Variants in THSD7B observed in about 807,000 individuals in gnomAD.
THSD7B encodes the protein thrombospondin type-1 domain-containing protein 7B.
THSD7B carries 138 observed loss-of-function variants against 213.6 expected under a neutral mutation model. The observed-to-expected ratio is 0.65, with a 90% CI of 0.56 to 0.74. The LOEUF is 0.74. Ranked by LOEUF, THSD7B falls within the 30% of genes least tolerant of loss-of-function variation. THSD7B has a pLI of 0.00. For synonymous variants in THSD7B, 742 were observed against 687.0 expected, an observed-to-expected ratio of 1.08 and a Z score of -1.25; for missense variants, 1,931 against 1,991.5, an observed-to-expected ratio of 0.97 and a Z score of 0.58.
rs903288457 is a variant in THSD7B, at chr2:137,057,190, G to T, written c.910G>T (p.Val304Phe). 5 of 1,613,780 alleles carry T rather than the reference G, an allele frequency of 3.1e-6. No individual in the cohort carries two copies. Among genetic ancestry groups the T allele is most frequent in the Non-Finnish European group, 4.2e-6 (5 of 1,179,792 alleles). The change falls in exon 3 of 28, where the codon GTT (valine) becomes TTT (phenylalanine). Residue 304 changes from valine to phenylalanine, a missense_variant. By Grantham distance (50) the Val-to-Phe change is conservative (BLOSUM62 -1). Transcript: ENST00000409968. ...AIEIGYQTRQ[V>F]SCTRSDGQNA... The stretch of plus-strand genomic sequence containing the variant: ...AGAGATAGGTTATCAAACCCGGCAG[G>T]TTTCGTGTACAAGAAGTGATGGACA...
intron 14 of THSD7B, among the ~76,000 whole-genome samples, chr2:137,437,313 T>C (rs528548326): frequency 8.4e-4 from 128 of 152,280 alleles, no homozygotes; most frequent in African/African-American, 3.1e-3. Context: ...ACTCCCCCCA[T>C]GCATTACCAT....
chr2:136,868,112 ACG>A (rs754171682), intron 1 of THSD7B, among the ~76,000 whole-genome samples: 6 of 136,964 alleles, frequency 4.4e-5, no homozygotes, highest in African/African-American at 1.8e-4. Flanking sequence ...ACACACACAC[ACG>A]CGCGCGCACA....
intron 11 of THSD7B, among the ~76,000 whole-genome samples, chr2:137,275,402 G>C (rs1682846930): frequency 6.6e-6 from 1 of 152,030 alleles, no homozygotes; most frequent in African/African-American, 2.4e-5. Flanking sequence ...GTGAAGGTCT[G>C]TACCTCAAGC....
chr2:136,944,021 T>G (rs1684880308), intron 2 of THSD7B, among the ~76,000 whole-genome samples: 1 of 152,240 alleles, frequency 6.6e-6, no homozygotes, highest in Non-Finnish European at 1.5e-5. Flanking sequence ...GGGCATCTAG[T>G]GCTATACATT....
Position 137,463,221 on chromosome 2 carries a change from G to T in THSD7B, c.3138+12198G>T, listed in dbSNP as rs563867802. ...AGGACCATGTAGCGTAAGCCAGGGG[G>T]CAACTACAACACAAAGACAGAAATT... On this transcript the variant is annotated intron_variant, in intron 15 of 27. Coordinates refer to ENST00000409968, the MANE Select transcript of THSD7B (RefSeq NM_001316349.2). 7.2e-5 allele frequency among the ~76,000 whole-genome samples: 11 copies of T among 152,244 alleles called. No individual in the cohort carries two copies. The South Asian group carries it at 2.3e-3, about 32-fold the overall frequency.
At chr2:137,512,768 G>T (rs1209019282) in intron 15 of THSD7B, among the ~76,000 whole-genome samples, 1 of 152,000 alleles carries the variant, frequency 6.6e-6, no homozygotes, top group African/African-American at 2.4e-5. Context: ...ACTTATGTAG[G>T]TACAATTATA....
At chr2:137,012,727 G>C (rs1686254211) in intron 2 of THSD7B, among the ~76,000 whole-genome samples, 1 of 152,186 alleles carries the variant, frequency 6.6e-6, no homozygotes, top group African/African-American at 2.4e-5. Flanking sequence ...GGCAGCTCTG[G>C]TTTCCCAGTG....
intron 7 of THSD7B, among the ~76,000 whole-genome samples, chr2:137,221,536 A>G (rs1355389210): frequency 6.6e-6 from 1 of 152,190 alleles, no homozygotes; most frequent in Admixed American, 6.5e-5. Context: ...AAAATAGGCA[A>G]CTTTTTCTAC....
intron 6 of THSD7B, among the ~76,000 whole-genome samples, chr2:137,165,654 G>A (rs1308107305): frequency 1.3e-5 from 2 of 152,014 alleles, no homozygotes; most frequent in African/African-American, 4.8e-5. Flanking sequence ...GGATATAAGC[G>A]GGAGTGTTTA....
intron 15 of THSD7B, among the ~76,000 whole-genome samples, chr2:137,467,225 G>A (rs1037018933): frequency 3.3e-5 from 5 of 152,136 alleles, no homozygotes; most frequent in Non-Finnish European, 7.4e-5. Context: ...TGGGATACAT[G>A]TTCAGAACTG....
At chr2:136,937,538 T>C (rs1482350416) in intron 2 of THSD7B, among the ~76,000 whole-genome samples, 4 of 152,196 alleles carry the variant, frequency 2.6e-5, no homozygotes, top group African/African-American at 7.2e-5. Context: ...CACGCATTGA[T>C]ATTATTCTTC....
chr2:137,037,878 C>A (rs936866752), intron 2 of THSD7B, among the ~76,000 whole-genome samples: 1 of 151,942 alleles, frequency 6.6e-6, no homozygotes. Context: ...TGTTTTAAGT[C>A]ACAGATGATG....
chr2:137,525,197 A>T (rs1228628570), intron 15 of THSD7B, among the ~76,000 whole-genome samples: 2 of 152,200 alleles, frequency 1.3e-5, no homozygotes, highest in East Asian at 1.9e-4. Context: ...CTCAAAACAG[A>T]TGGTGTCTGA....
At chr2:136,776,464 A>G (rs1025405947) in intron 1 of THSD7B, among the ~76,000 whole-genome samples, 3 of 152,178 alleles carry the variant, frequency 2.0e-5, no homozygotes, top group Non-Finnish European at 4.4e-5. Flanking sequence ...CTAGAACTTG[A>G]TAACATTCTT....
intron 12 of THSD7B, among the ~76,000 whole-genome samples, chr2:137,360,767 C>A (rs759704085): frequency 2.0e-5 from 3 of 152,190 alleles, no homozygotes; most frequent in African/African-American, 2.4e-5. Context: ...GTACACCCCA[C>A]CTCTGGGGGC....
intron 15 of THSD7B, among the ~76,000 whole-genome samples, chr2:137,551,714 T>C (rs1342875564): frequency 1.3e-5 from 2 of 152,212 alleles, no homozygotes; most frequent in Non-Finnish European, 2.9e-5. Flanking sequence ...GAACACATAA[T>C]GCATATTAAA....
chr2:137,459,647 A>G (rs1199782670), intron 15 of THSD7B, among the ~76,000 whole-genome samples: 1 of 152,114 alleles, frequency 6.6e-6, no homozygotes, highest in African/African-American at 2.4e-5. Context: ...CTTGGGTGAC[A>G]GAGTGAGACT....
At chr2:137,371,308 A>G (rs144237940) in intron 12 of THSD7B, among the ~76,000 whole-genome samples, 116 of 152,276 alleles carry the variant, frequency 7.6e-4, no homozygotes, top group African/African-American at 2.3e-3. Flanking sequence ...AATCACGAAT[A>G]TCTGAAAAGA....
At chr2:137,460,782 A>T (rs1687868612) in intron 15 of THSD7B, among the ~76,000 whole-genome samples, 1 of 152,142 alleles carries the variant, frequency 6.6e-6, no homozygotes, top group South Asian at 2.1e-4. Flanking sequence ...CAAAGTAAAC[A>T]TTCTCTCTCA....
Sources: gnomAD v4.1 joint callset for allele counts (sites outside exome capture counted in the v4.1 genomes callset) on GRCh38, gnomAD v4.1.1 for gene constraint, MANE v1.5 for transcripts, NCBI Gene and HGNC (gene_info 2026-07-23, HGNC 2026-07-21) for gene names.